Variants in DOP1B observed in about 807,000 individuals in gnomAD.
The protein encoded by DOP1B is protein DOP1B.
DOP1B carries 174 observed loss-of-function variants against 233.5 expected under a neutral mutation model. That is an observed-to-expected ratio of 0.75 (90% CI 0.66 to 0.85). The LOEUF is 0.85. DOP1B is among the 40% of genes least tolerant of loss of function. The probability of loss-of-function intolerance (pLI) is 0.00; values close to 1 mark genes in which losing one functional copy is unlikely to be tolerated. For synonymous variants in DOP1B, 1,190 were observed against 1,185.6 expected, an observed-to-expected ratio of 1.00 and a Z score of -0.08; for missense variants, 2,652 against 2,846.6, an observed-to-expected ratio of 0.93 and a Z score of 1.56.
At chr21:36,196,555 A>G (rs995939131) in intron 2 of DOP1B, among the ~76,000 whole-genome samples, 2 of 147,784 alleles carry the variant, frequency 1.4e-5, no homozygotes, top group African/African-American at 5.0e-5. Context: ...ACATAAGCAC[A>G]TTTTTTCACA....
chr21:36,211,570 C>A lies in DOP1B; in HGVS notation c.699C>A (p.Ala233=), dbSNP rs1377926896. 1.2e-6 allele frequency: 2 copies of A among 1,614,214 alleles called. No individual in the cohort carries two copies. Residue 233 remains alanine, a synonymous_variant, in exon 6 of 37, where the codon GCC becomes GCA. Coordinates refer to ENST00000691173, the MANE Select transcript of DOP1B (RefSeq NM_001320714.2). The stretch of plus-strand genomic sequence containing the variant: ...GTTTACAGGTGAAGTCTTTGCGTGC[C>A]TCCCTGTTGGACTCAAATGTTCTTG... ...NHQLTVKSLR[A]SLLDSNVLVQ...
At chr21:36,292,074 C>A (rs9977791) in intron 35 of DOP1B, 30 bp from the exon 36 acceptor site, 2 of 1,570,530 alleles carry the variant, frequency 1.3e-6, no homozygotes, top group Non-Finnish European at 1.7e-6. Context: ...CTCTTACCAG[C>A]AGACCTGACC....
intron 2 of DOP1B, among the ~76,000 whole-genome samples, chr21:36,186,184 C>T (rs2123442353): frequency 6.6e-6 from 1 of 150,762 alleles, no homozygotes; most frequent in East Asian, 1.9e-4. Context: ...GCCTGGGCAA[C>T]AGAACGAGAC....
intron 26 of DOP1B, among the ~76,000 whole-genome samples, chr21:36,265,413 AAAAC>A (rs1376748618): frequency 2.0e-5 from 3 of 152,214 alleles, no homozygotes; most frequent in African/African-American, 7.2e-5. Flanking sequence ...AAAAAACAAA[AAAAC>A]AAAAACACCA....
chr21:36,164,524 A>C, intron 1 of DOP1B, 184 bp from the exon 2 acceptor site: 2 of 359,942 alleles, frequency 5.6e-6, no homozygotes, highest in East Asian at 4.7e-5. Context: ...GAGGGCGGGA[A>C]CTATTTATCT....
In DOP1B at chr21:36,211,698, G is replaced by T. The variant is rs142426191; in HGVS notation, c.780+47G>T. 338 of 1,580,608 alleles carry T rather than the reference G, an allele frequency of 2.1e-4. 1 individual carries two copies. In the East Asian group the frequency reaches 7.4e-3, roughly 34 times the overall value. ...GGTAAGTCACTGGTGTTTCCCAAGGGGTGGGATATAGATCTCAAGCAGTTC... is the reference window on the plus strand; with the variant it reads ...GGTAAGTCACTGGTGTTTCCCAAGGTGTGGGATATAGATCTCAAGCAGTTC... On this transcript the variant is annotated intron_variant, in intron 6 of 36. Transcript: ENST00000691173.
At chr21:36,275,092 G>A (rs1240822395) in intron 27 of DOP1B, among the ~76,000 whole-genome samples, 2 of 151,960 alleles carry the variant, frequency 1.3e-5, no homozygotes, top group South Asian at 2.1e-4. Flanking sequence ...CGATCTGCCC[G>A]CCTTGGCCTC....
intron 35 of DOP1B, among the ~76,000 whole-genome samples, chr21:36,291,281 C>T (rs919570982): frequency 4.0e-5 from 6 of 151,712 alleles, no homozygotes; most frequent in Non-Finnish European, 7.4e-5. Flanking sequence ...AAAGTGGAGG[C>T]TAGGCGCAGT....
intron 32 of DOP1B, among the ~76,000 whole-genome samples, chr21:36,284,265 CTTT>C (rs71326667): frequency 1.3e-5 from 1 of 75,868 alleles, no homozygotes; most frequent in African/African-American, 5.8e-5. Context: ...TTCCTTCTTT[CTTT>C]TTTTTTTTTT....
intron 9 of DOP1B, among the ~76,000 whole-genome samples, chr21:36,217,734 A>T (rs2066576881): frequency 1.3e-5 from 2 of 152,240 alleles, no homozygotes; most frequent in African/African-American, 2.4e-5. Flanking sequence ...CCTTAAACCA[A>T]ATAGATTTTC....
At chr21:36,212,217 C>T in intron 7 of DOP1B, 120 bp downstream of exon 7, 1 of 1,189,532 alleles carries the variant, frequency 8.4e-7, no homozygotes, top group Non-Finnish European at 1.1e-6. Context: ...TGGAAAGATA[C>T]CACAATGACT....
chr21:36,227,759 A>T lies in DOP1B; in HGVS notation c.1547A>T (p.Asp516Val). The change falls in exon 13 of 37, where the codon GAC becomes GTC. Residue 516 changes from aspartate to valine, a missense_variant. Physicochemically the swap from Asp to Val is radical, Grantham distance 152. Around this residue, in one of 3 missense-constraint regions of DOP1B, gnomAD observed 2,617 missense variants for 2,794.3 expected, o/e 0.94. Coordinates refer to ENST00000691173, the MANE Select transcript of DOP1B (RefSeq NM_001320714.2). ...TGCCTGGTGCAGCCTCTTGCTGAGGACATGGAGGCCTTAAGTTTACCTGAA... is the reference window on the plus strand; with the variant it reads ...TGCCTGGTGCAGCCTCTTGCTGAGGTCATGGAGGCCTTAAGTTTACCTGAA... ...LGCLVQPLAEDMEALSLPELT... is the reference protein window; with the variant it reads ...LGCLVQPLAEVMEALSLPELT... The T allele has an allele frequency of 6.2e-7, 1 of 1,613,556 alleles. No individual in the cohort carries two copies. The highest frequency in any genetic ancestry group is 8.5e-7 in the Non-Finnish European group (1 of 1,179,536).
intron 16 of DOP1B, among the ~76,000 whole-genome samples, chr21:36,237,644 C>T (rs1601437097): frequency 2.0e-5 from 3 of 152,308 alleles, no homozygotes; most frequent in East Asian, 1.9e-4. Flanking sequence ...TTGAGGCTCA[C>T]CAGGGAAACC....
chr21:36,293,096 C>T (rs2067577470), intron 36 of DOP1B, among the ~76,000 whole-genome samples: 1 of 151,634 alleles, frequency 6.6e-6, no homozygotes, highest in Non-Finnish European at 1.5e-5. Context: ...ATCCCAGCTA[C>T]TCAGGAAGCT....
intron 9 of DOP1B, among the ~76,000 whole-genome samples, chr21:36,218,402 A>G (rs765239961): frequency 3.9e-5 from 6 of 152,154 alleles, no homozygotes; most frequent in Non-Finnish European, 8.8e-5. Context: ...ACACACCTGT[A>G]ATCCCAGCTG....
At chr21:36,267,074 G>T (rs1453740754) in intron 26 of DOP1B, among the ~76,000 whole-genome samples, 3 of 152,172 alleles carry the variant, frequency 2.0e-5, no homozygotes, top group Admixed American at 6.5e-5. Context: ...GGAACCGTGT[G>T]GCACAGTTGA....
In DOP1B at chr21:36,289,206, T is replaced by C; in HGVS notation, c.6515T>C (p.Ile2172Thr). ...FPPDKMPLFQIYRWAFIPEVD... is the reference protein window; with the variant it reads ...FPPDKMPLFQTYRWAFIPEVD... ...CCTGACAAGATGCCATTATTTCAAATGTAAGTCAGATAGGATCGTGTGTCC... is the reference window on the plus strand; with the variant it reads ...CCTGACAAGATGCCATTATTTCAAACGTAAGTCAGATAGGATCGTGTGTCC... The change falls in exon 35 of 37, where the codon ATT becomes ACT. Residue 2172 changes from isoleucine to threonine, a missense_variant and splice_region_variant. Physicochemically the swap from Ile to Thr is moderately conservative, Grantham distance 89. This residue lies in a region of DOP1B where 2,617 missense variants were observed against 2,794.3 expected (regional missense o/e 0.94). Transcript: ENST00000691173. 6.2e-7 allele frequency: 1 copy of C among 1,613,156 alleles called. No individual in the cohort carries two copies. The highest frequency in any genetic ancestry group is 8.5e-7 in the Non-Finnish European group (1 of 1,179,840).
intron 32 of DOP1B, among the ~76,000 whole-genome samples, chr21:36,282,886 G>T (rs1330622530): frequency 6.6e-6 from 1 of 151,714 alleles, no homozygotes; most frequent in African/African-American, 2.4e-5. Flanking sequence ...AGAAGCAGGA[G>T]AATCGCTTGA....
chr21:36,275,405 T>C (rs2067339045), intron 27 of DOP1B, among the ~76,000 whole-genome samples: 1 of 152,060 alleles, frequency 6.6e-6, no homozygotes, highest in African/African-American at 2.4e-5. Context: ...GGCTAGCAGT[T>C]TGCTTGAGCC....
Sources: allele counts gnomAD v4.1 joint callset (sites outside exome capture counted in the v4.1 genomes callset), GRCh38; gene constraint gnomAD v4.1.1; regional missense constraint gnomAD v4.1.1; transcripts MANE v1.5; gene names NCBI Gene and HGNC (gene_info 2026-07-23, HGNC 2026-07-21).